The following DAB1 variants were observed in gnomAD, a reference collection of about 807,000 sequenced individuals.
DAB1 encodes disabled homolog 1.
DAB1 carries 15 observed loss-of-function variants against 64.6 expected under a neutral mutation model. The observed-to-expected ratio is 0.23, with a 90% confidence interval of 0.16 to 0.36. The LOEUF (loss-of-function observed/expected upper bound fraction) is 0.36. Among genes scored for constraint, DAB1 ranks in the 10% least tolerant of loss-of-function variants. The pLI, the probability that DAB1 is intolerant of heterozygous loss-of-function variation, is 1.00. For synonymous variants in DAB1, 235 were observed against 251.9 expected (o/e 0.93, Z 0.64); for missense variants, 596 against 706.7 (o/e 0.84, Z 1.78).
chr1:58,128,353 T>G (rs553000056), intron 5 of DAB1, among the ~76,000 whole-genome samples: 130 of 147,074 alleles, frequency 8.8e-4, no homozygotes, highest in African/African-American at 1.6e-3. Context: ...CTTAAGGAGA[T>G]TTTGGGCTGA....
intron 4 of DAB1, among the ~76,000 whole-genome samples, chr1:58,323,785 C>T (rs965124497): frequency 2.0e-5 from 3 of 151,802 alleles, no homozygotes; most frequent in Admixed American, 6.6e-5. Flanking sequence ...ATTAGCCAGG[C>T]GTGGCGGTGG....
intron 5 of DAB1, among the ~76,000 whole-genome samples, chr1:57,968,997 T>C (rs906417201): frequency 5.3e-5 from 8 of 152,214 alleles, no homozygotes; most frequent in African/African-American, 7.2e-5. Flanking sequence ...TGCACTAATA[T>C]GTATAAGTTC....
intron 1 of DAB1, among the ~76,000 whole-genome samples, chr1:57,849,413 T>C (rs1428919287): frequency 6.6e-6 from 1 of 152,132 alleles, no homozygotes; most frequent in Admixed American, 6.5e-5. Flanking sequence ...AACTAGGAAG[T>C]GAGAAATCTA....
intron 3 of DAB1, among the ~76,000 whole-genome samples, chr1:58,492,224 A>G (rs1645708204): frequency 6.6e-6 from 1 of 152,224 alleles, no homozygotes; most frequent in African/African-American, 2.4e-5. Context: ...AACGAGAACA[A>G]AGACACAACA....
At chr1:57,198,016 C>T (rs567646271) in intron 2 of DAB1, among the ~76,000 whole-genome samples, 2 of 152,176 alleles carry the variant, frequency 1.3e-5, no homozygotes, top group South Asian at 4.1e-4. Flanking sequence ...CCTCTTTGCA[C>T]ATAAAATAAT....
At chr1:57,419,370 A>G (rs1684728075) in intron 1 of DAB1, among the ~76,000 whole-genome samples, 1 of 152,172 alleles carries the variant, frequency 6.6e-6, no homozygotes, top group African/African-American at 2.4e-5. Context: ...ATTCAATCAA[A>G]GTCATTTTAC....
intron 7 of DAB1, among the ~76,000 whole-genome samples, chr1:57,503,040 G>T (rs1048115363): frequency 1.3e-5 from 2 of 152,136 alleles, no homozygotes; most frequent in African/African-American, 4.8e-5. Context: ...AGAGACCCAG[G>T]CCAGATATCC....
At chr1:57,173,177 G>A (rs1324256557) in intron 2 of DAB1, among the ~76,000 whole-genome samples, 1 of 152,100 alleles carries the variant, frequency 6.6e-6, no homozygotes, top group Non-Finnish European at 1.5e-5. Flanking sequence ...TACCAAGTAA[G>A]GATGGTATTA....
At chr1:58,342,904 G>A (rs1278150208) in intron 4 of DAB1, among the ~76,000 whole-genome samples, 1 of 152,072 alleles carries the variant, frequency 6.6e-6, no homozygotes, top group Non-Finnish European at 1.5e-5. Context: ...CAAATTTGGT[G>A]TCTCCACACT....
chr1:57,903,615 G>A (rs1330865600), intron 5 of DAB1, among the ~76,000 whole-genome samples: 1 of 152,120 alleles, frequency 6.6e-6, no homozygotes, highest in African/African-American at 2.4e-5. Context: ...AAGTCACAAG[G>A]AGGAATCAGA....
intron 5 of DAB1, among the ~76,000 whole-genome samples, chr1:58,000,673 T>G (rs897210021): frequency 4.0e-5 from 6 of 149,004 alleles, no homozygotes; most frequent in Admixed American, 3.4e-4. Flanking sequence ...TGGGTTCAAG[T>G]GATTCTTGTG....
chr1:57,582,368 T>C (rs1645324117), intron 7 of DAB1, among the ~76,000 whole-genome samples: 1 of 152,148 alleles, frequency 6.6e-6, no homozygotes, highest in African/African-American at 2.4e-5. Context: ...GAGAACTCAC[T>C]ATCATGAGAA....
intron 7 of DAB1, among the ~76,000 whole-genome samples, chr1:57,455,053 T>G (rs571892037): frequency 3.3e-5 from 5 of 151,698 alleles, no homozygotes; most frequent in African/African-American, 1.2e-4. Flanking sequence ...AGACACAGAG[T>G]TGGATTCAAA....
chr1:57,366,726 G>C (rs1439193873), intron 1 of DAB1, among the ~76,000 whole-genome samples: 2 of 152,006 alleles, frequency 1.3e-5, no homozygotes, highest in Admixed American at 6.6e-5. Context: ...TTATTATTCT[G>C]ACCTTAAAGA....
intron 2 of DAB1, among the ~76,000 whole-genome samples, chr1:57,263,457 A>G (rs1670353485): frequency 1.3e-5 from 2 of 152,138 alleles, no homozygotes; most frequent in Non-Finnish European, 2.9e-5. Flanking sequence ...TGTGAAGATT[A>G]AGTGAAATGA....
intron 8 of DAB1, among the ~76,000 whole-genome samples, chr1:57,063,168 G>A (rs1049881890): frequency 2.6e-5 from 4 of 152,042 alleles, no homozygotes; most frequent in South Asian, 2.1e-4. Flanking sequence ...AAGGTTTATA[G>A]GTCGTCTCTG....
At chr1:58,077,721 A>C (rs1649742576) in intron 5 of DAB1, among the ~76,000 whole-genome samples, 1 of 152,196 alleles carries the variant, frequency 6.6e-6, no homozygotes, top group African/African-American at 2.4e-5. Flanking sequence ...TTCCAGGAGA[A>C]AGGAGAAAGG....
intron 4 of DAB1, among the ~76,000 whole-genome samples, chr1:58,184,492 C>T (rs1243671945): frequency 2.0e-5 from 3 of 151,930 alleles, no homozygotes; most frequent in Admixed American, 6.6e-5. Context: ...ATAATGATAA[C>T]CAATAAAACA....
rs369243123 is a variant in DAB1, at chr1:58,533,232, A to T, written n.33-5897T>A. On this transcript the variant is annotated intron_variant and non_coding_transcript_variant, in intron 1 of 20. Transcript: ENST00000485760. ...ATCAACTTGAATTCTATGATCTATAAGAAAAGCGCTGCTAAAAACCAGGTA... is the reference window on the plus strand; with the variant it reads ...ATCAACTTGAATTCTATGATCTATATGAAAAGCGCTGCTAAAAACCAGGTA... 3.3e-5 allele frequency among the ~76,000 whole-genome samples: 5 copies of T among 152,360 alleles called. No homozygotes were observed. In the East Asian group the frequency reaches 5.8e-4, roughly 18 times the overall value.
Sources: gnomAD v4.1 joint callset for allele counts (sites outside exome capture counted in the v4.1 genomes callset) on GRCh38, gnomAD v4.1.1 for gene constraint, MANE v1.5 for transcripts, NCBI Gene and HGNC (gene_info 2026-07-23, HGNC 2026-07-21) for gene names.